Variants in TAPT1 observed in about 807,000 individuals in gnomAD.
TAPT1 encodes the protein transmembrane anterior posterior transformation 1.
Under a neutral mutation model 65.6 loss-of-function variants are expected in TAPT1, and 28 were observed. The ratio of observed to expected loss-of-function variants is 0.43; its 90% CI spans 0.32 to 0.59. TAPT1 has a LOEUF of 0.59. Ranked by LOEUF, TAPT1 falls within the 20% of genes least tolerant of loss-of-function variation. The probability of loss-of-function intolerance (pLI) is 0.09; values close to 1 mark genes in which losing one functional copy is unlikely to be tolerated. For missense variants in TAPT1, 563 were observed against 679.9 expected, an observed-to-expected ratio of 0.83 and a Z score of 1.91; for synonymous variants, 278 against 245.2, an observed-to-expected ratio of 1.13 and a Z score of -1.25.
intron 7 of TAPT1, among the ~76,000 whole-genome samples, chr4:16,184,307 A>C (rs1427053795): frequency 6.6e-6 from 1 of 152,170 alleles, no homozygotes; most frequent in Non-Finnish European, 1.5e-5. Context: ...GCTCAACATA[A>C]TGCTTCTGAG....
intron 3 of TAPT1, 131 bp downstream of exon 3, chr4:16,202,331 G>A (rs28499485): frequency 6.3e-6 from 3 of 477,326 alleles, no homozygotes; most frequent in African/African-American, 2.0e-5. Context: ...CATTAAAAAG[G>A]TAAACAGTTT....
chr4:16,205,716 C>T (rs1369511202), intron 2 of TAPT1, among the ~76,000 whole-genome samples: 1 of 151,714 alleles, frequency 6.6e-6, no homozygotes, highest in Non-Finnish European at 1.5e-5. Context: ...TAAAGAGGAC[C>T]GAATTTCAAA....
chr4:16,177,114 A>G (rs550444621), intron 8 of TAPT1, among the ~76,000 whole-genome samples: 4 of 152,358 alleles, frequency 2.6e-5, no homozygotes, highest in Admixed American at 2.0e-4. Context: ...TCTACTGTGT[A>G]TTTCAAAATA....
chr4:16,184,950 C>T (rs1437741085), intron 7 of TAPT1, among the ~76,000 whole-genome samples: 1 of 152,090 alleles, frequency 6.6e-6, no homozygotes, highest in Non-Finnish European at 1.5e-5. Context: ...GTTTTATGAT[C>T]ACATATTTTA....
intron 2 of TAPT1, among the ~76,000 whole-genome samples, chr4:16,208,241 C>A (rs1324532476): frequency 6.6e-6 from 1 of 152,184 alleles, no homozygotes; most frequent in Non-Finnish European, 1.5e-5. Context: ...GGATCTTGAG[C>A]TCTCCCTGCT....
intron 7 of TAPT1, among the ~76,000 whole-genome samples, chr4:16,180,538 C>G (rs1006249317): frequency 2.0e-5 from 3 of 152,150 alleles, no homozygotes; most frequent in African/African-American, 4.8e-5. Flanking sequence ...TAAATGCAAG[C>G]CTCACCCATA....
At chr4:16,192,103 T>C (rs1749412840) in intron 3 of TAPT1, among the ~76,000 whole-genome samples, 1 of 152,230 alleles carries the variant, frequency 6.6e-6, no homozygotes. Context: ...ATGTCACATA[T>C]ATGAAAGTGT....
Position 16,164,872 on chromosome 4 carries a change from C to T in TAPT1, c.1475-1335G>A, listed in dbSNP as rs942450257. ...AAAATAATTTCCCAGTGATTATACA[C>T]ATTGTTATTTTACTTTATTTTCGCT... On this transcript the variant is annotated intron_variant, in intron 13 of 13. Transcript: ENST00000405303. 6.6e-5 allele frequency among the ~76,000 whole-genome samples: 10 copies of T among 152,162 alleles called. 1 individual carries two copies. Among genetic ancestry groups the T allele is most frequent in the African/African-American group, 2.2e-4 (9 of 41,444 alleles).
At chr4:16,183,740 A>G (rs1748847411) in intron 7 of TAPT1, among the ~76,000 whole-genome samples, 1 of 152,204 alleles carries the variant, frequency 6.6e-6, no homozygotes, top group Non-Finnish European at 1.5e-5. Flanking sequence ...AATTTACTCT[A>G]TGGTTAACTA....
At chr4:16,177,444 G>A (rs1173085763) in intron 8 of TAPT1, among the ~76,000 whole-genome samples, 2 of 152,188 alleles carry the variant, frequency 1.3e-5, no homozygotes, top group Non-Finnish European at 2.9e-5. Flanking sequence ...GCCGGAAGGT[G>A]GGATGGAGAT....
rs1747641603 is a variant in TAPT1, at chr4:16,166,646, A to G, written c.1461T>C (p.Cys487=). 6.2e-7 allele frequency: 1 copy of G among 1,613,924 alleles called. No homozygotes were observed. The highest frequency in any genetic ancestry group is 1.3e-5 in the African/African-American group (1 of 74,948). The change falls in exon 13 of 14, where the codon TGT becomes TGC. Residue 487 remains cysteine, a synonymous_variant. Transcript: ENST00000405303. The part of the protein sequence containing the change: ...GKPSSKSQNK[C]KPSQGLSTEE... ...GACCAAACCTACCTTGAGAGGGTTTACATTTGTTCTGTGATTTACTGGACG... is the reference window on the plus strand; with the variant it reads ...GACCAAACCTACCTTGAGAGGGTTTGCATTTGTTCTGTGATTTACTGGACG...
At position 16,163,042 on chromosome 4, in the gene TAPT1, A is replaced by C. The variant is rs1181934371; in HGVS notation, c.*266T>G. The stretch of plus-strand genomic sequence containing the variant: ...TGATGTTGCCTTTGTTGGGTCCTGG[A>C]AATGATGCTGCTGCTTGGCCAGGCA... On this transcript the variant is annotated 3_prime_UTR_variant, in exon 14 of 14. Coordinates refer to ENST00000405303, the MANE Select transcript of TAPT1 (RefSeq NM_153365.3). The C allele has an allele frequency of 1.8e-6, 1 of 549,558 alleles. No homozygotes were observed. Among genetic ancestry groups the C allele is most frequent in the Admixed American group, 2.2e-5 (1 of 45,406 alleles). 34.0% of individuals were successfully genotyped at this position (549,558 alleles called of 1,614,324 possible).
rs1751567984 is a variant in TAPT1 at position 16,226,413 on chromosome 4, ACCG to A, written c.42_44del (p.Gly17del). The A allele has an allele frequency of 2.2e-5, 24 of 1,086,492 alleles. No homozygotes were observed. The highest frequency in any genetic ancestry group is 2.7e-5 in the Non-Finnish European group (24 of 896,878). 67.3% of individuals were successfully genotyped at this position (1,086,492 alleles called of 1,614,324 possible). A position where few individuals can be genotyped will look rare whatever the true frequency, so the allele number is the denominator to read the frequency against. On this transcript the variant is annotated inframe_deletion, in exon 1 of 14. Coordinates refer to ENST00000405303, the MANE Select transcript of TAPT1 (RefSeq NM_153365.3). ...CCCGCTGCGGGCCGTCCACGCCGCC[ACCG>A]CCGCCTTCTCCCGGAGCGGCCGCGT... is the stretch of plus-strand genomic sequence containing the variant.
chr4:16,176,254 C>A, intron 8 of TAPT1, 26 bp from the exon 9 acceptor site: 1 of 1,218,930 alleles, frequency 8.2e-7, no homozygotes, highest in Non-Finnish European at 1.1e-6. Flanking sequence ...AGAAAAACAA[C>A]GAAATATCTT....
chr4:16,196,684 TC>T, intron 3 of TAPT1: 1 of 1,288,994 alleles, frequency 7.8e-7, no homozygotes, highest in South Asian at 1.2e-5. Flanking sequence ...GCCACCACAT[TC>T]CATTCTATAA....
At chr4:16,174,083 G>C in intron 11 of TAPT1, 121 bp downstream of exon 11, 1 of 842,324 alleles carries the variant, frequency 1.2e-6, no homozygotes, top group South Asian at 2.1e-5. Context: ...TTTCTTCCAA[G>C]TTATTTACCC....
At chr4:16,170,063 C>T (rs1747895915) in intron 12 of TAPT1, among the ~76,000 whole-genome samples, 1 of 152,186 alleles carries the variant, frequency 6.6e-6, no homozygotes, top group Admixed American at 6.5e-5. Context: ...TATCATCGTT[C>T]ACTTCTTGAG....
In TAPT1 at chr4:16,182,682, T is replaced by TAA. The variant is rs1748777555; in HGVS notation, c.917-3026_917-3025insTT. ...GACCTTTCTAAATGCACAGTTCACA[T>TAA]TACCAATGCGTAAAAAACTACCTAA... On this transcript the variant is annotated intron_variant, in intron 7 of 13. Transcript: ENST00000405303. Among the ~76,000 whole-genome samples the TAA allele has an allele frequency of 2.0e-5, 3 of 152,322 alleles. No individual in the cohort carries two copies. The East Asian group carries it at 5.8e-4, about 29-fold the overall frequency.
At position 16,216,943 on chromosome 4, in the gene TAPT1, A is replaced by G. The variant is rs151118933; in HGVS notation, c.200-3045T>C. 2.3e-4 allele frequency among the ~76,000 whole-genome samples: 35 copies of G among 152,294 alleles called. No homozygotes were observed. In the Middle Eastern group the frequency reaches 0.014, roughly 59 times the overall value. On this transcript the variant is annotated intron_variant, in intron 1 of 13. Transcript: ENST00000405303. ...GCCATCCCAGAACCTCTACAACTGG[A>G]CACAGGCCATCTCTTTAGTCATGCT...
Sources: gnomAD v4.1 joint callset for allele counts (sites outside exome capture counted in the v4.1 genomes callset) on GRCh38, gnomAD v4.1.1 for gene constraint, MANE v1.5 for transcripts, NCBI Gene and HGNC (gene_info 2026-07-23, HGNC 2026-07-21) for gene names.